PHF3: variants seen among roughly 807,000 people sequenced by gnomAD.
PHF3 encodes the protein PHD finger protein 3.
A neutral mutation model predicts 178.4 loss-of-function variants in PHF3; 41 were observed. The observed-to-expected ratio is 0.23, with a 90% CI of 0.18 to 0.30. The LOEUF (loss-of-function observed/expected upper bound fraction) is 0.30. Ranked by LOEUF, PHF3 falls within the 10% of genes least tolerant of loss-of-function variation. The probability of loss-of-function intolerance (pLI) is 1.00; values close to 1 mark genes in which losing one functional copy is unlikely to be tolerated. For synonymous variants in PHF3, 842 were observed against 800.5 expected, an observed-to-expected ratio of 1.05 and a Z score of -0.88; for missense variants, 2,346 against 2,398.1, an observed-to-expected ratio of 0.98 and a Z score of 0.45.
Position 63,721,352 on chromosome 6 carries a change from A to T in PHF3, c.*7644A>T. On this transcript the variant is annotated 3_prime_UTR_variant, in exon 16 of 16. Transcript: ENST00000262043. Reference sequence around the variant, plus strand: ...AACATCTGCAAGAAAAAGTTGTGCCATTTACTGTACATTCACCTCCATTTC... The same window carrying T: ...AACATCTGCAAGAAAAAGTTGTGCCTTTTACTGTACATTCACCTCCATTTC... 2 of 1,551,896 alleles carry T rather than the reference A, an allele frequency of 1.3e-6. No individual in the cohort carries two copies. The highest frequency in any genetic ancestry group is 8.7e-7 in the Non-Finnish European group (1 of 1,146,976).
Position 63,713,896 on chromosome 6 carries a change from A to G in PHF3, c.*188A>G, listed in dbSNP as rs981664425. On this transcript the variant is annotated 3_prime_UTR_variant, in exon 16 of 16. Transcript: ENST00000262043. ...CCAGTGCTCATCATCCCTTCTTCAT[A>G]CCAACGGTCCCTAGTTATAGGAATT... The G allele has an allele frequency of 6.8e-6, 3 of 438,542 alleles. No individual in the cohort carries two copies. Among genetic ancestry groups the G allele is most frequent in the South Asian group, 7.8e-5 (1 of 12,878 alleles). The allele number at this position is 438,542 out of a possible 1,614,324, so 27.2% of individuals were successfully genotyped here.
chr6:63,697,387 G>A (rs572106725), intron 6 of PHF3, among the ~76,000 whole-genome samples: 2 of 152,304 alleles, frequency 1.3e-5, no homozygotes, highest in East Asian at 3.9e-4. Flanking sequence ...GTATGAAATA[G>A]ATATCTTAAA....
At chr6:63,693,465 A>G (rs915862321) in intron 5 of PHF3, among the ~76,000 whole-genome samples, 7 of 152,150 alleles carry the variant, frequency 4.6e-5, no homozygotes, top group Non-Finnish European at 1.0e-4. Context: ...AAATACAAAA[A>G]TTAGCCGAGC....
intron 2 of PHF3, among the ~76,000 whole-genome samples, chr6:63,673,195 G>A (rs1765997207): frequency 6.6e-6 from 1 of 152,000 alleles, no homozygotes; most frequent in Admixed American, 6.6e-5. Flanking sequence ...AGCAGAAACA[G>A]CACCGCTAAC....
In PHF3 at chr6:63,725,533, C is replaced by A. The variant is rs575895977; in HGVS notation, c.*11825C>A. ...AAAATTTATGTTTGTATGTGGTTCT[C>A]CTATTTGACATTTTCACAGGGAGAT... On this transcript the variant is annotated 3_prime_UTR_variant, in exon 16 of 16. Coordinates refer to ENST00000262043, the MANE Select transcript of PHF3 (RefSeq NM_001370348.2). 6.6e-6 allele frequency among the ~76,000 whole-genome samples: 1 copy of A among 151,996 alleles called. No individual in the cohort carries two copies. The highest frequency in any genetic ancestry group is 1.5e-5 in the Non-Finnish European group (1 of 67,950).
At position 63,685,658 on chromosome 6, in the gene PHF3, G is replaced by C. The variant is rs1308511209; in HGVS notation, c.1936G>C (p.Glu646Gln). The C allele has an allele frequency of 2.5e-6, 4 of 1,614,112 alleles. No homozygotes were observed. Among genetic ancestry groups the C allele is most frequent in the Non-Finnish European group, 3.4e-6 (4 of 1,180,024 alleles). Residue 646 changes from glutamate (E) to glutamine (Q), a missense_variant, in exon 4 of 16, where the codon GAG (glutamate) becomes CAG (glutamine). Glu to Gln is a conservative substitution (Grantham distance 29). Around this residue, in one of 8 missense-constraint regions of PHF3, gnomAD observed 843 missense variants for 795.2 expected, o/e 1.06. Coordinates refer to ENST00000262043, the MANE Select transcript of PHF3 (RefSeq NM_001370348.2). ...GAAAACCAATAGTCACGTGAAGGAAGAGCTTGAACACCCAGGCGTTGAGCA... is the reference window on the plus strand; with the variant it reads ...GAAAACCAATAGTCACGTGAAGGAACAGCTTGAACACCCAGGCGTTGAGCA... Reference protein sequence around the residue: ...AMKTNSHVKEELEHPGVEHFK... With the variant: ...AMKTNSHVKEQLEHPGVEHFK...
At position 63,713,389 on chromosome 6, in the gene PHF3, G is replaced by A. The variant is rs745623577; in HGVS notation, c.5801G>A (p.Arg1934Gln). ...GATTCACACCATTTGAAAAGAGAGC[G>A]ACATGAAAAGGAATGGGAGCAAGAA... ...YSDSHHLKRE[R>Q]HEKEWEQESE... The change falls in exon 16 of 16, where the codon CGA becomes CAA. Residue 1934 changes from arginine to glutamine, a missense_variant. Physicochemically the swap from Arg to Gln is conservative, Grantham distance 43 (BLOSUM62 1). Around this residue, in one of 8 missense-constraint regions of PHF3, gnomAD observed 839 missense variants for 806.9 expected, o/e 1.04. Coordinates refer to ENST00000262043, the MANE Select transcript of PHF3 (RefSeq NM_001370348.2). 22 of 1,613,862 alleles carry A rather than the reference G, an allele frequency of 1.4e-5. No homozygotes were observed. In the Admixed American group the frequency reaches 1.5e-4, roughly 11 times the overall value.
rs1345766842 is a variant in PHF3 at position 63,719,609 on chromosome 6, T to G, written c.*5901T>G. Among the ~76,000 whole-genome samples, 5 of 152,234 alleles carry G rather than the reference T, an allele frequency of 3.3e-5. No homozygotes were observed. The South Asian group carries it at 6.2e-4, about 19-fold the overall frequency. On this transcript the variant is annotated 3_prime_UTR_variant, in exon 16 of 16. Transcript: ENST00000262043. ...TTCACAATTGTATCAGTAACTGTTT[T>G]GGGAAAAATAATATTTTTTCAAGTT...
Position 63,714,331 on chromosome 6 carries a change from T to C in PHF3, c.*623T>C, listed in dbSNP as rs1768107997. 1 of 152,634 alleles carries C rather than the reference T, an allele frequency of 6.6e-6. No homozygotes were observed. Among genetic ancestry groups the C allele is most frequent in the Admixed American group, 6.5e-5 (1 of 15,270 alleles). 9.5% of individuals were successfully genotyped at this position (152,634 alleles called of 1,614,324 possible). A position where few individuals can be genotyped will look rare whatever the true frequency, so the allele number is the denominator to read the frequency against. Reference sequence around the variant, plus strand: ...CATTATTTTCATTTTCATTTTTGGCTCTTCAGAAACTTGAATACTTAAGCT... The same window carrying C: ...CATTATTTTCATTTTCATTTTTGGCCCTTCAGAAACTTGAATACTTAAGCT... On this transcript the variant is annotated 3_prime_UTR_variant, in exon 16 of 16. Coordinates refer to ENST00000262043, the MANE Select transcript of PHF3 (RefSeq NM_001370348.2).
chr6:63,684,228 C>CT lies in PHF3; in HGVS notation c.507dup (p.Lys170Ter), dbSNP rs1442893282. 1 of 1,613,842 alleles carries CT rather than the reference C, an allele frequency of 6.2e-7. No homozygotes were observed. The highest frequency in any genetic ancestry group is 8.5e-7 in the Non-Finnish European group (1 of 1,179,888). On this transcript the variant is annotated frameshift_variant, in exon 4 of 16. Transcript: ENST00000262043. LOFTEE classifies it high-confidence loss of function. ...GCATCTGGGAAGACTGTATCTACTG[C>CT]TAAAGCAGGAGTGAAACAACCAGAA...
rs1027932140 is a variant in PHF3 at position 63,716,779 on chromosome 6, T to C, written c.*3071T>C. 2.6e-5 allele frequency among the ~76,000 whole-genome samples: 4 copies of C among 151,824 alleles called. No individual in the cohort carries two copies. The highest frequency in any genetic ancestry group is 4.4e-5 in the Non-Finnish European group (3 of 67,932). On this transcript the variant is annotated 3_prime_UTR_variant, in exon 16 of 16. Coordinates refer to ENST00000262043, the MANE Select transcript of PHF3 (RefSeq NM_001370348.2). ...AGCCAGCAGTGTGGGACCCAGTCTT[T>C]CTCTAGTATCTCTGACCTTCCCTTC...
rs1768020159 is a variant in PHF3 at position 63,712,900 on chromosome 6, G to A, written c.5312G>A (p.Cys1771Tyr). ...ATSHFEVGNT[C>Y]PSEFPSKSIT... The stretch of plus-strand genomic sequence containing the variant: ...TCTCATTTTGAAGTTGGAAACACAT[G>A]TCCATCAGAATTTCCTTCTAAAAGC... The change falls in exon 16 of 16, where the codon TGT (cysteine) becomes TAT (tyrosine). Residue 1771 changes from cysteine (C) to tyrosine (Y), a missense_variant. Around this residue, in one of 8 missense-constraint regions of PHF3, gnomAD observed 839 missense variants for 806.9 expected, o/e 1.04. Transcript: ENST00000262043. 2.5e-6 allele frequency: 4 copies of A among 1,613,994 alleles called. No homozygotes were observed. The highest frequency in any genetic ancestry group is 1.3e-5 in the African/African-American group (1 of 75,016).
chr6:63,694,900 G>A (rs1767168335), intron 6 of PHF3, 136 bp downstream of exon 6: 1 of 425,872 alleles, frequency 2.3e-6, no homozygotes, highest in East Asian at 4.7e-5. Flanking sequence ...CAATACAAAT[G>A]GGTTAGGTGA....
chr6:63,692,137 A>G, intron 5 of PHF3, 94 bp downstream of exon 5: 4 of 892,296 alleles, frequency 4.5e-6, no homozygotes, highest in Non-Finnish European at 6.6e-6. Flanking sequence ...AGAAGTTTTA[A>G]TGTTCTTTTA....
At chr6:63,704,254 A>G (rs1161145997) in intron 11 of PHF3, among the ~76,000 whole-genome samples, 1 of 152,066 alleles carries the variant, frequency 6.6e-6, no homozygotes, top group Admixed American at 6.6e-5. Context: ...TAATGACCCC[A>G]AATCCATAGT....
chr6:63,703,799 T>A (rs1767580085), intron 11 of PHF3, 128 bp downstream of exon 11: 1 of 837,086 alleles, frequency 1.2e-6, no homozygotes, highest in African/African-American at 1.8e-5. Context: ...ACTCACAGTC[T>A]TTAAGCTTTC....
At chr6:63,658,570 T>A (rs1157377111) in intron 2 of PHF3, among the ~76,000 whole-genome samples, 1 of 152,174 alleles carries the variant, frequency 6.6e-6, no homozygotes, top group Non-Finnish European at 1.5e-5. Flanking sequence ...TTTATTTCTT[T>A]TATGGTGTGT....
chr6:63,696,129 C>A (rs1467611360), intron 6 of PHF3, among the ~76,000 whole-genome samples: 3 of 152,164 alleles, frequency 2.0e-5, no homozygotes, highest in Non-Finnish European at 4.4e-5. Flanking sequence ...ATTTGGGATG[C>A]TCCACTGGTA....
At position 63,702,603 on chromosome 6, in the gene PHF3, C is replaced by T. The variant is rs1326722849; in HGVS notation, c.3195C>T (p.Ala1065=). 3.1e-6 allele frequency: 5 copies of T among 1,612,548 alleles called. No individual in the cohort carries two copies. In the East Asian group the frequency reaches 8.9e-5, roughly 29 times the overall value. Residue 1065 remains alanine (A), a synonymous_variant, in exon 10 of 16, where the codon GCC becomes GCT. Coordinates refer to ENST00000262043, the MANE Select transcript of PHF3 (RefSeq NM_001370348.2). ...GTGAAATAGAAATTGAGAGTGATGCCCCAATGAAAGAACAGGAAGCAGCCA... is the reference window on the plus strand; with the variant it reads ...GTGAAATAGAAATTGAGAGTGATGCTCCAATGAAAGAACAGGAAGCAGCCA... ...HKGEIEIESD[A]PMKEQEAAME... is the part of the protein sequence containing the mutation.
Sources: allele counts gnomAD v4.1 joint callset (sites outside exome capture counted in the v4.1 genomes callset), GRCh38; gene constraint gnomAD v4.1.1; regional missense constraint gnomAD v4.1.1; transcripts MANE v1.5; gene names NCBI Gene and HGNC (gene_info 2026-07-23, HGNC 2026-07-21).